TTI2: variants seen among roughly 807,000 people sequenced by gnomAD.
The protein encoded by TTI2 is TELO2 interacting protein 2, also known as TELO2-interacting protein 2.
TTI2 carries 26 observed loss-of-function variants against 44.9 expected under a neutral mutation model. The observed-to-expected ratio is 0.58, with a 90% CI of 0.42 to 0.80. The LOEUF (loss-of-function observed/expected upper bound fraction) is 0.80, where lower values mean the gene tolerates loss of function less well. Among genes scored for constraint, TTI2 ranks in the 30% least tolerant of loss-of-function variants. TTI2 has a pLI of 0.00. For missense variants in TTI2, 582 were observed against 611.6 expected, an observed-to-expected ratio of 0.95 and a Z score of 0.51; for synonymous variants, 254 against 250.9, an observed-to-expected ratio of 1.01 and a Z score of -0.12.
intron 7 of TTI2, chr8:33,500,101 G>C (rs1809011070): frequency 2.0e-6 from 1 of 505,284 alleles, no homozygotes. Context: ...CCAGTGACAT[G>C]TGCTGATCCT....
chr8:33,512,756 G>C lies in TTI2; in HGVS notation c.-99-44C>G. The C allele has an allele frequency of 5.3e-6, 5 of 942,736 alleles. No individual in the cohort carries two copies. In the Admixed American group the frequency reaches 8.2e-5, roughly 15 times the overall value. The allele number at this position is 942,736 out of a possible 1,614,324, so 58.4% of individuals were successfully genotyped here. A position where few individuals can be genotyped will look rare whatever the true frequency, so the allele number is the denominator to read the frequency against. ...AAACAGAGAGATGTCTTGGAGGAGG[G>C]GGCGAGTCTGACCGGGATAAGAATA... is the stretch of plus-strand genomic sequence containing the variant. On this transcript the variant is annotated intron_variant, in intron 1 of 7. Transcript: ENST00000431156.
In TTI2 at chr8:33,512,694, A is replaced by C; in HGVS notation, c.-81T>G. On this transcript the variant is annotated 5_prime_UTR_variant, in exon 2 of 8. Coordinates refer to ENST00000431156, the MANE Select transcript of TTI2 (RefSeq NM_001102401.4). Reference sequence around the variant, plus strand: ...GGAGGGATCCGTTGAAGAGGGAAGGAGCGATCACCCAAAGAGAACTAAAAT... The same window carrying C: ...GGAGGGATCCGTTGAAGAGGGAAGGCGCGATCACCCAAAGAGAACTAAAAT... The C allele has an allele frequency of 2.0e-6, 3 of 1,503,004 alleles. No homozygotes were observed. Among genetic ancestry groups the C allele is most frequent in the Non-Finnish European group, 2.7e-6 (3 of 1,100,602 alleles). 93.1% of individuals were successfully genotyped at this position (1,503,004 alleles called of 1,614,324 possible).
intron 3 of TTI2, among the ~76,000 whole-genome samples, chr8:33,509,195 G>A (rs1442154286): frequency 2.0e-5 from 3 of 150,518 alleles, no homozygotes; most frequent in Non-Finnish European, 3.0e-5. Flanking sequence ...GCTCACGCCT[G>A]TAATCCCAGC....
At chr8:33,502,849 G>C (rs899498944) in intron 6 of TTI2, among the ~76,000 whole-genome samples, 1 of 32,906 alleles carries the variant, frequency 3.0e-5, no homozygotes, top group African/African-American at 8.7e-5. Flanking sequence ...AAAACAAAAG[G>C]CTGGGCATGG....
Position 33,499,292 on chromosome 8 carries a change from C to A in TTI2, c.1423-15G>T, listed in dbSNP as rs1464028311. The stretch of plus-strand genomic sequence containing the variant: ...GCCAGGAGACCCTGAAACATGAAAC[C>A]AAACAGGCTTTGATATTTTTTTTTT... On this transcript the variant is annotated splice_polypyrimidine_tract_variant and intron_variant, in intron 7 of 7. Coordinates refer to ENST00000431156, the MANE Select transcript of TTI2 (RefSeq NM_001102401.4). The A allele has an allele frequency of 1.3e-6, 2 of 1,571,944 alleles. No homozygotes were observed. The highest frequency in any genetic ancestry group is 1.8e-6 in the Non-Finnish European group (2 of 1,141,996).
At chr8:33,499,760 G>A (rs1808996288) in intron 7 of TTI2, 1 of 163,348 alleles carries the variant, frequency 6.1e-6, no homozygotes, top group South Asian at 1.7e-4. Flanking sequence ...ATTTCTAAAA[G>A]GGGTAAGAAA....
chr8:33,509,968 G>T (rs762242411), intron 2 of TTI2, 36 bp from the exon 3 acceptor site: 9 of 967,616 alleles, frequency 9.3e-6, no homozygotes, highest in East Asian at 3.0e-5. Context: ...AAGTGACATG[G>T]TGATAAGTAG....
rs920898102 is a variant in TTI2 at position 33,509,909 on chromosome 8, G to A, written c.671C>T (p.Ala224Val). 6 of 1,611,322 alleles carry A rather than the reference G, an allele frequency of 3.7e-6. No individual in the cohort carries two copies. The African/African-American group carries it at 5.4e-5, about 14-fold the overall frequency. ...AGTCCATGAGAAAACATGTTTGATGGCAGGGTTATTCTTCCAGGATTCCCT... is the reference window on the plus strand; with the variant it reads ...AGTCCATGAGAAAACATGTTTGATGACAGGGTTATTCTTCCAGGATTCCCT... ...LYKESWKNNP[A>V]IKHVFSWTLQ... is the part of the protein sequence containing the mutation. The change falls in exon 3 of 8, where the codon GCC (alanine) becomes GTC (valine). Residue 224 changes from alanine to valine, a missense_variant. Coordinates refer to ENST00000431156, the MANE Select transcript of TTI2 (RefSeq NM_001102401.4).
chr8:33,498,791 C>T lies in TTI2; in HGVS notation c.*382G>A, dbSNP rs1008384636. Reference sequence around the variant, plus strand: ...ATGCCACGTCAGTGGGGCAAGAAATCTGGAGTGAGTGAAGAAAGCTAAGTT... The same window carrying T: ...ATGCCACGTCAGTGGGGCAAGAAATTTGGAGTGAGTGAAGAAAGCTAAGTT... On this transcript the variant is annotated 3_prime_UTR_variant, in exon 8 of 8. Transcript: ENST00000431156. 3.0e-6 allele frequency: 2 copies of T among 664,248 alleles called. No individual in the cohort carries two copies. The highest frequency in any genetic ancestry group is 3.7e-5 in the African/African-American group (2 of 54,492). 41.1% of individuals were successfully genotyped at this position (664,248 alleles called of 1,614,324 possible).
intron 3 of TTI2, 68 bp from the exon 4 acceptor site, chr8:33,507,389 GA>G: frequency 7.2e-7 from 1 of 1,392,894 alleles, no homozygotes; most frequent in South Asian, 1.2e-5. Context: ...GACTATCTTT[GA>G]AATTGGATTA....
Position 33,498,854 on chromosome 8 carries a change from A to C in TTI2, c.*319T>G. 1.7e-6 allele frequency: 1 copy of C among 592,020 alleles called. No homozygotes were observed. Among genetic ancestry groups the C allele is most frequent in the East Asian group, 2.8e-5 (1 of 35,392 alleles). The allele number at this position is 592,020 out of a possible 1,614,324, so 36.7% of individuals were successfully genotyped here. On this transcript the variant is annotated 3_prime_UTR_variant, in exon 8 of 8. Coordinates refer to ENST00000431156, the MANE Select transcript of TTI2 (RefSeq NM_001102401.4). Reference sequence around the variant, plus strand: ...GTTTTTATAGCATATGTGTTGAAGTAACAGCTTGTGCCCGAGAAACTTAAC... The same window carrying C: ...GTTTTTATAGCATATGTGTTGAAGTCACAGCTTGTGCCCGAGAAACTTAAC...
intron 4 of TTI2, among the ~76,000 whole-genome samples, chr8:33,505,082 G>C (rs1158372298): frequency 6.6e-6 from 1 of 152,098 alleles, no homozygotes; most frequent in African/African-American, 2.4e-5. Context: ...AATTAGCTGG[G>C]CATGGTGGCA....
Position 33,512,010 on chromosome 8 carries a change from T to C in TTI2, c.604A>G (p.Arg202Gly), listed in dbSNP as rs781355673. The C allele has an allele frequency of 6.2e-7, 1 of 1,614,122 alleles. No homozygotes were observed. Among genetic ancestry groups the C allele is most frequent in the Non-Finnish European group, 8.5e-7 (1 of 1,180,024 alleles). The change falls in exon 2 of 8, where the codon AGA becomes GGA. Residue 202 changes from arginine (R) to glycine (G), a missense_variant. Transcript: ENST00000431156. ...AGAAGCCCTAGTATCACCGAAAGTC[T>C]CCCTTTCTCATCTTCATTTTCTCCA... ...LHGENEDEKG[R>G]LSVILGLLKP...
At position 33,508,087 on chromosome 8, in the gene TTI2, TAAAAAA is replaced by T. The variant is rs58891946; in HGVS notation, c.835-772_835-767del. ...ACAAAGAAAATGTGGCTAGCGGTAG[TAAAAAA>T]AAAAAAAAAAAAAAAAAAAAAAAAA... On this transcript the variant is annotated intron_variant, in intron 3 of 7. Coordinates refer to ENST00000431156, the MANE Select transcript of TTI2 (RefSeq NM_001102401.4). Among the ~76,000 whole-genome samples the T allele has an allele frequency of 4.4e-3, 86 of 19,490 alleles. 1 individual carries two copies. In the East Asian group the frequency reaches 0.12, roughly 27 times the overall value. 12.8% of individuals were successfully genotyped at this position (19,490 alleles called of 152,430 possible). A position where few individuals can be genotyped will look rare whatever the true frequency, so the allele number is the denominator to read the frequency against.
chr8:33,510,909 C>T (rs1809505279), intron 2 of TTI2, among the ~76,000 whole-genome samples: 1 of 152,152 alleles, frequency 6.6e-6, no homozygotes, highest in Non-Finnish European at 1.5e-5. Context: ...GTGCTTTTCA[C>T]TTTTTATCCT....
chr8:33,509,366 G>T (rs748560046), intron 3 of TTI2, among the ~76,000 whole-genome samples: 4 of 143,524 alleles, frequency 2.8e-5, no homozygotes, highest in Admixed American at 1.5e-4. Flanking sequence ...CAGAGGCGGA[G>T]AATTGCTTAA....
intron 3 of TTI2, among the ~76,000 whole-genome samples, chr8:33,508,023 T>C (rs1282014026): frequency 8.8e-6 from 1 of 113,622 alleles, no homozygotes; most frequent in Non-Finnish European, 1.7e-5. Flanking sequence ...GTACTGCCCC[T>C]AGCCACATTT....
chr8:33,505,048 C>A (rs1267431464), intron 4 of TTI2, among the ~76,000 whole-genome samples: 1 of 152,068 alleles, frequency 6.6e-6, no homozygotes, highest in East Asian at 1.9e-4. Flanking sequence ...CATGGCAAAA[C>A]CCCGTCTCTG....
At position 33,509,645 on chromosome 8, in the gene TTI2, A is replaced by G. The variant is rs996424170; in HGVS notation, c.834+101T>C. 8.4e-5 allele frequency: 102 copies of G among 1,209,152 alleles called. 1 individual carries two copies. The highest frequency in any genetic ancestry group is 2.1e-4 in the Middle Eastern group (1 of 4,878). The allele number at this position is 1,209,152 out of a possible 1,614,324, so 74.9% of individuals were successfully genotyped here. A position where few individuals can be genotyped will look rare whatever the true frequency, so the allele number is the denominator to read the frequency against. On this transcript the variant is annotated intron_variant, in intron 3 of 7. Transcript: ENST00000431156. Reference sequence around the variant, plus strand: ...GGAAAAATATAAGGAGAAAATACAAATAAGTAAAGTTGAATGACTTAGCAT... The same window carrying G: ...GGAAAAATATAAGGAGAAAATACAAGTAAGTAAAGTTGAATGACTTAGCAT...
Sources: allele counts gnomAD v4.1 joint callset (sites outside exome capture counted in the v4.1 genomes callset), GRCh38; gene constraint gnomAD v4.1.1; transcripts MANE v1.5; gene names NCBI Gene and HGNC (gene_info 2026-07-23, HGNC 2026-07-21).